The following DNAH3 variants were observed in gnomAD, a reference collection of about 807,000 sequenced individuals.
DNAH3 encodes the protein axonemal beta dynein heavy chain 3.
DNAH3 carries 332 observed loss-of-function variants against 432.5 expected under a neutral mutation model. The ratio of observed to expected loss-of-function variants is 0.77; its 90% CI spans 0.70 to 0.84. DNAH3 has a LOEUF of 0.84. Ranked by LOEUF, DNAH3 falls within the 40% of genes least tolerant of loss-of-function variation. The probability of loss-of-function intolerance (pLI) is 0.00; values close to 1 mark genes in which losing one functional copy is unlikely to be tolerated. For missense variants in DNAH3, 4,861 were observed against 5,114.0 expected, an observed-to-expected ratio of 0.95 and a Z score of 1.51; for synonymous variants, 1,956 against 1,900.2, an observed-to-expected ratio of 1.03 and a Z score of -0.76.
At chr16:21,055,680 A>G (rs930226083) in intron 27 of DNAH3, among the ~76,000 whole-genome samples, 1 of 151,816 alleles carries the variant, frequency 6.6e-6, no homozygotes, top group Admixed American at 6.6e-5. Context: ...CTTTCTAGCT[A>G]TGTGGCTCTT....
In DNAH3 at chr16:21,132,257, G is replaced by A. The variant is rs184291597; in HGVS notation, c.1082+2002C>T. 7.3e-4 allele frequency among the ~76,000 whole-genome samples: 111 copies of A among 152,292 alleles called. 2 individuals carry two copies. Among genetic ancestry groups the A allele is most frequent in the Admixed American group, 6.7e-3 (102 of 15,278 alleles). ...ACAGGGCTCCCTTAAGACTGAACAC[G>A]TTCAAAGCTAGAGATCCTCCCAAAG... On this transcript the variant is annotated intron_variant, in intron 7 of 61. Coordinates refer to ENST00000261383, the Ensembl canonical transcript of DNAH3.
rs765638887 is a variant in DNAH3 at position 21,067,429 on chromosome 16, AT to A, written c.3382-11del. The A allele has an allele frequency of 7.4e-6, 12 of 1,613,220 alleles. No individual in the cohort carries two copies. The South Asian group carries it at 1.3e-4, about 18-fold the overall frequency. On this transcript the variant is annotated splice_polypyrimidine_tract_variant and intron_variant, in intron 23 of 61. Transcript: ENST00000261383. ...TCCTGTTATCTTTCACCTGGGTTCC[AT>A]CAAAAAAAGTGAGACTCATCATAAG... is the stretch of plus-strand genomic sequence containing the variant.
intron 7 of DNAH3, chr16:21,129,367 G>A (rs2092509201): frequency 6.6e-6 from 1 of 152,478 alleles, no homozygotes; most frequent in Non-Finnish European, 1.5e-5. Context: ...ACCCATGGCT[G>A]GGTGTGTGGT....
chr16:21,158,661 T>A (rs1032688620), intron 1 of DNAH3: 5 of 152,738 alleles, frequency 3.3e-5, no homozygotes, highest in Non-Finnish European at 5.8e-5. Context: ...CTCGGGACGC[T>A]CTTTCCTTCT....
chr16:21,002,092 C>A (rs1307995840), intron 42 of DNAH3, among the ~76,000 whole-genome samples: 3 of 152,250 alleles, frequency 2.0e-5, no homozygotes, highest in African/African-American at 4.8e-5. Flanking sequence ...CTGCTTGACA[C>A]ATCCTTACAC....
At position 20,936,727 on chromosome 16, in the gene DNAH3, C is replaced by T; in HGVS notation, c.11781G>A (p.Trp3927Ter). 6.2e-7 allele frequency: 1 copy of T among 1,609,850 alleles called. No homozygotes were observed. Among genetic ancestry groups the T allele is most frequent in the South Asian group, 1.1e-5 (1 of 90,306 alleles). ...TCAGTGATGGGTAAGACTTGGCTGCCCACATGGCTGGCACTTTACCCACAA... is the reference window on the plus strand; with the variant it reads ...TCAGTGATGGGTAAGACTTGGCTGCTCACATGGCTGGCACTTTACCCACAA... The change falls in exon 60 of 62, where the codon TGG becomes TGA. Residue 3927 changes from tryptophan (W) to a stop codon, truncating the protein, a stop_gained. Coordinates refer to ENST00000261383, the Ensembl canonical transcript of DNAH3. LOFTEE classifies it high-confidence loss of function.
rs1240485077 is a variant in DNAH3, at chr16:20,987,286, A to G, written c.7026+19T>C. The stretch of plus-strand genomic sequence containing the variant: ...TTGGAACCATTTCTGAGGTCAAATG[A>G]TCACAGAATCTGGTTTACCTTCTCT... On this transcript the variant is annotated intron_variant, in intron 47 of 61. Coordinates refer to ENST00000261383, the Ensembl canonical transcript of DNAH3. 8 of 1,612,302 alleles carry G rather than the reference A, an allele frequency of 5.0e-6. No individual in the cohort carries two copies. The South Asian group carries it at 6.6e-5, about 13-fold the overall frequency.
intron 44 of DNAH3, among the ~76,000 whole-genome samples, chr16:20,994,919 T>C (rs2086701041): frequency 6.6e-6 from 1 of 152,118 alleles, no homozygotes; most frequent in Non-Finnish European, 1.5e-5. Flanking sequence ...CTTTCTTGTG[T>C]TCCTCCTAGT....
Position 21,036,799 on chromosome 16 carries a change from T to C in DNAH3, c.5000A>G (p.Tyr1667Cys), listed in dbSNP as rs142811392. 32 of 1,612,630 alleles carry C rather than the reference T, an allele frequency of 2.0e-5. No individual in the cohort carries two copies. Among genetic ancestry groups the C allele is most frequent in the Non-Finnish European group, 2.6e-5 (31 of 1,178,880 alleles). ...ATTCAGCACTTTCAGAAAAACTTCA[T>C]AGTCTGGCTTTGGAAGAACAACTCC... Residue 1667 changes from tyrosine to cysteine, a missense_variant, in exon 35 of 62, where the codon TAT becomes TGT. Physicochemically the swap from Tyr to Cys is radical, Grantham distance 194. Coordinates refer to ENST00000261383, the Ensembl canonical transcript of DNAH3.
rs2091295602 is a variant in DNAH3 at position 21,084,403 on chromosome 16, G to A, written c.2877+2446C>T. 2.6e-5 allele frequency among the ~76,000 whole-genome samples: 4 copies of A among 152,044 alleles called. No homozygotes were observed. The South Asian group carries it at 8.3e-4, about 32-fold the overall frequency. On this transcript the variant is annotated intron_variant, in intron 19 of 61. Transcript: ENST00000261383. Reference sequence around the variant, plus strand: ...AGTGGCGCAATCACAGCTCACTGCAGCCTCAACCTCCCAGGCTCAAGTGAT... The same window carrying A: ...AGTGGCGCAATCACAGCTCACTGCAACCTCAACCTCCCAGGCTCAAGTGAT...
intron 50 of DNAH3, 78 bp from the exon 51 acceptor site, chr16:20,975,493 C>A: frequency 7.3e-7 from 1 of 1,369,564 alleles, no homozygotes; most frequent in Non-Finnish European, 1.0e-6. Context: ...AATGATTCTC[C>A]AACCTATGAC....
intron 20 of DNAH3, among the ~76,000 whole-genome samples, chr16:21,076,594 C>T (rs978075012): frequency 1.3e-5 from 2 of 152,070 alleles, no homozygotes; most frequent in African/African-American, 4.8e-5. Flanking sequence ...GGAGATAGAT[C>T]CCAGAACAGG....
chr16:21,138,577 G>A (rs2092675585), intron 5 of DNAH3, among the ~76,000 whole-genome samples: 1 of 152,106 alleles, frequency 6.6e-6, no homozygotes, highest in South Asian at 2.1e-4. Context: ...TTAGGAGGCT[G>A]AGGTGGGTGG....
In DNAH3 at chr16:21,015,043, A is replaced by T. The variant is rs565598714; in HGVS notation, c.6022+4581T>A. 3.9e-5 allele frequency among the ~76,000 whole-genome samples: 6 copies of T among 152,316 alleles called. No individual in the cohort carries two copies. In the South Asian group the frequency reaches 1.0e-3, roughly 26 times the overall value. ...TGGTCTAGGTAAACACAGCCTTAAC[A>T]TTATCCAGCAATAGCATGTCTATGT... On this transcript the variant is annotated intron_variant, in intron 41 of 61. Coordinates refer to ENST00000261383, the Ensembl canonical transcript of DNAH3.
intron 15 of DNAH3, 26 bp from the exon 16 acceptor site, chr16:21,104,620 A>G (rs1739700389): frequency 7.3e-7 from 1 of 1,372,146 alleles, no homozygotes; most frequent in African/African-American, 1.4e-5. Flanking sequence ...TGCCTGCTCC[A>G]GGACACTGTT....
At chr16:20,933,259 T>C in exon 62 of DNAH3, 1 of 1,614,256 alleles carries the variant, frequency 6.2e-7, no homozygotes, top group Non-Finnish European at 8.5e-7. Context: ...TAGAGTGGCC[T>C]GTGGTGGAGA....
Position 20,997,368 on chromosome 16 carries a change from T to C in DNAH3, c.6516A>G (p.Lys2172=), listed in dbSNP as rs3115446. ...CGATGTCCAGCCTGGTTGTGTCTTT[T>C]TTGTCAAACCAGTAACCATGGTCAA... Residue 2172 remains lysine, a synonymous_variant, in exon 44 of 62, where the codon AAA becomes AAG. Coordinates refer to ENST00000261383, the Ensembl canonical transcript of DNAH3. The C allele has an allele frequency of 0.47, 760,826 of 1,613,834 alleles. 181,144 individuals are homozygous for C. The highest frequency in any genetic ancestry group is 0.6 in the South Asian group (54,470 of 91,064).
chr16:21,117,368 T>A (rs780442439), intron 11 of DNAH3, 29 bp from the exon 12 acceptor site: 1 of 1,296,780 alleles, frequency 7.7e-7, no homozygotes, highest in Non-Finnish European at 1.1e-6. Context: ...TTTTGCATGT[T>A]GCAAGACTTA....
At chr16:21,151,928 T>C (rs1249629267) in intron 1 of DNAH3, among the ~76,000 whole-genome samples, 3 of 151,914 alleles carry the variant, frequency 2.0e-5, no homozygotes, top group African/African-American at 7.3e-5. Flanking sequence ...ATTTTAAGGA[T>C]AAGGAATCAA....
Sources: allele counts gnomAD v4.1 joint callset (sites outside exome capture counted in the v4.1 genomes callset), GRCh38; gene constraint gnomAD v4.1.1; transcripts MANE v1.5; gene names NCBI Gene and HGNC (gene_info 2026-07-23, HGNC 2026-07-21).